The following COG5 variants were observed in gnomAD, a reference collection of about 807,000 sequenced individuals.
The protein encoded by COG5 is conserved oligomeric Golgi complex subunit 5.
COG5 carries 86 observed loss-of-function variants against 110.4 expected under a neutral mutation model. That is an observed-to-expected ratio of 0.78 (90% CI 0.65 to 0.93). The LOEUF (loss-of-function observed/expected upper bound fraction) is 0.93, where lower values mean the gene tolerates loss of function less well. Ranked by LOEUF, COG5 falls within the 40% of genes least tolerant of loss-of-function variation. The pLI, the probability that COG5 is intolerant of heterozygous loss-of-function variation, is 0.00. For missense variants in COG5, 1,077 were observed against 987.0 expected (o/e 1.09, Z -1.22); for synonymous variants, 360 against 334.6 (o/e 1.08, Z -0.83).
chr7:107,458,768 A>G (rs1795814038), intron 6 of COG5, among the ~76,000 whole-genome samples: 1 of 152,154 alleles, frequency 6.6e-6, no homozygotes. Flanking sequence ...CTGAGGCAGG[A>G]AGATCACTTG....
chr7:107,549,560 T>C (rs903770634), intron 3 of COG5, among the ~76,000 whole-genome samples: 5 of 76,272 alleles, frequency 6.6e-5, no homozygotes, highest in Admixed American at 1.3e-4. Context: ...CCCAGCTAAT[T>C]TTTTTTTTTT....
intron 11 of COG5, among the ~76,000 whole-genome samples, chr7:107,310,266 G>A (rs907958567): frequency 6.6e-6 from 1 of 152,124 alleles, no homozygotes; most frequent in Non-Finnish European, 1.5e-5. Flanking sequence ...TTAATATACC[G>A]ATCACACAGT....
chr7:107,543,471 A>G (rs1248076415), intron 5 of COG5, among the ~76,000 whole-genome samples: 13 of 151,896 alleles, frequency 8.6e-5, no homozygotes, highest in Non-Finnish European at 1.5e-4. Flanking sequence ...CTCCTGGCCC[A>G]CTCCAATACC....
intron 11 of COG5, among the ~76,000 whole-genome samples, chr7:107,317,065 A>G (rs971450622): frequency 6.6e-6 from 1 of 152,088 alleles, no homozygotes; most frequent in African/African-American, 2.4e-5. Flanking sequence ...TATGATAGGG[A>G]CCAGATTTAC....
At chr7:107,498,042 G>C (rs1798389823) in intron 6 of COG5, among the ~76,000 whole-genome samples, 1 of 152,134 alleles carries the variant, frequency 6.6e-6, no homozygotes, top group Non-Finnish European at 1.5e-5. Flanking sequence ...GGTAATGACA[G>C]TCTCTTCAAC....
chr7:107,384,746 C>A (rs1371474508), intron 7 of COG5, among the ~76,000 whole-genome samples: 2 of 152,134 alleles, frequency 1.3e-5, no homozygotes, highest in African/African-American at 4.8e-5. Flanking sequence ...CAGGACACAG[C>A]AAGAAGGCGG....
intron 5 of COG5, among the ~76,000 whole-genome samples, chr7:107,532,004 T>C (rs1478234183): frequency 6.6e-6 from 1 of 152,192 alleles, no homozygotes; most frequent in African/African-American, 2.4e-5. Flanking sequence ...GCCCCAGACC[T>C]GGAATCAAAG....
chr7:107,205,666 C>T (rs973283105), intron 21 of COG5, among the ~76,000 whole-genome samples: 1 of 152,192 alleles, frequency 6.6e-6, no homozygotes, highest in South Asian at 2.1e-4. Context: ...CCTTAGAATA[C>T]CCTTCCTTGC....
chr7:107,474,010 T>C lies in COG5; in HGVS notation c.538+53227A>G, dbSNP rs1796816394. On this transcript the variant is annotated intron_variant, in intron 6 of 21. Coordinates refer to ENST00000297135, the MANE Select transcript of COG5 (RefSeq NM_006348.5). The surrounding 1 kb of genome is among the most constrained non-coding windows in gnomAD (Gnocchi z 5.7). Reference sequence around the variant, plus strand: ...GTCATTTAAATTGCCAAATATCAAATAGTTTATTCTATTTCACTTTCTAGG... The same window carrying C: ...GTCATTTAAATTGCCAAATATCAAACAGTTTATTCTATTTCACTTTCTAGG... 1 of 909,916 alleles carries C rather than the reference T, an allele frequency of 1.1e-6. No homozygotes were observed. The highest frequency in any genetic ancestry group is 1.7e-5 in the African/African-American group (1 of 60,104). 56.4% of individuals were successfully genotyped at this position (909,916 alleles called of 1,614,324 possible). A position where few individuals can be genotyped will look rare whatever the true frequency, so the allele number is the denominator to read the frequency against.
chr7:107,346,662 C>A (rs530471791), intron 10 of COG5, among the ~76,000 whole-genome samples: 57 of 152,234 alleles, frequency 3.7e-4, no homozygotes, highest in African/African-American at 1.3e-3. Context: ...CTGCTCACTG[C>A]AGGTTTTCTA....
chr7:107,510,587 G>C (rs1224712523), intron 6 of COG5, among the ~76,000 whole-genome samples: 1 of 152,158 alleles, frequency 6.6e-6, no homozygotes, highest in African/African-American at 2.4e-5. Flanking sequence ...TAAATCAACA[G>C]AATATACATT....
chr7:107,265,821 G>A (rs1017039896), intron 14 of COG5, among the ~76,000 whole-genome samples: 1 of 152,150 alleles, frequency 6.6e-6, no homozygotes, highest in African/African-American at 2.4e-5. Context: ...TTAGGAGGCT[G>A]AAGTGGGAGG....
intron 17 of COG5, among the ~76,000 whole-genome samples, chr7:107,245,045 G>A (rs1204671402): frequency 2.0e-5 from 3 of 152,014 alleles, no homozygotes; most frequent in Admixed American, 6.6e-5. Flanking sequence ...CCCGGGACAC[G>A]AGATTGGTTC....
At chr7:107,298,478 T>C in intron 11 of COG5, 132 bp from the exon 12 acceptor site, 1 of 572,692 alleles carries the variant, frequency 1.7e-6, no homozygotes, top group Non-Finnish European at 3.0e-6. Flanking sequence ...TGAGGCCTTT[T>C]ATAATAATGC....
At chr7:107,316,601 C>G (rs982938271) in intron 11 of COG5, among the ~76,000 whole-genome samples, 5 of 141,178 alleles carry the variant, frequency 3.5e-5, no homozygotes, top group Admixed American at 3.1e-4. Context: ...ATCACGAGGT[C>G]TGGAGATTGA....
At position 107,474,243 on chromosome 7, in the gene COG5, T is replaced by C. The variant is rs1563055369; in HGVS notation, c.538+52994A>G. The C allele has an allele frequency of 2.5e-6, 4 of 1,613,008 alleles. No homozygotes were observed. Among genetic ancestry groups the C allele is most frequent in the African/African-American group, 1.3e-5 (1 of 75,000 alleles). On this transcript the variant is annotated intron_variant, in intron 6 of 21. Transcript: ENST00000297135. The surrounding 1 kb of genome is among the most constrained non-coding windows in gnomAD (Gnocchi z 5.7). ...TGTTGGGACTTGGCAGCAACCTCACTGTATTGGTACTTTACTGCATGAAAT... is the reference window on the plus strand; with the variant it reads ...TGTTGGGACTTGGCAGCAACCTCACCGTATTGGTACTTTACTGCATGAAAT...
At chr7:107,248,255 T>C (rs1355289840) in intron 17 of COG5, 141 bp downstream of exon 17, 1 of 672,432 alleles carries the variant, frequency 1.5e-6, no homozygotes. Context: ...CAATGGGTAA[T>C]GAAGAGGGCT....
At chr7:107,311,248 G>C (rs934704648) in intron 11 of COG5, among the ~76,000 whole-genome samples, 1 of 152,014 alleles carries the variant, frequency 6.6e-6, no homozygotes, top group Non-Finnish European at 1.5e-5. Flanking sequence ...TTTTCCTCAC[G>C]GGCTTGCCAA....
At chr7:107,295,094 TATATA>T (rs1562955809) in intron 12 of COG5, among the ~76,000 whole-genome samples, 59 of 77,478 alleles carry the variant, frequency 7.6e-4, no homozygotes, top group African/African-American at 2.2e-3. Context: ...TATATATATA[TATATA>T]TATTTTTTTT....
Sources: gnomAD v4.1 joint callset for allele counts (sites outside exome capture counted in the v4.1 genomes callset) on GRCh38, gnomAD v4.1.1 for gene constraint, Gnocchi (gnomAD v3.1) non-coding constraint, MANE v1.5 for transcripts, NCBI Gene and HGNC (gene_info 2026-07-23, HGNC 2026-07-21) for gene names.